Variants in ARRB2 observed in about 807,000 individuals in gnomAD.
The protein encoded by ARRB2 is arrestin beta 2.
A neutral mutation model predicts 53.4 loss-of-function variants in ARRB2; 21 were observed. That is an observed-to-expected ratio of 0.39 (90% CI 0.28 to 0.57). ARRB2 has a LOEUF of 0.57. ARRB2 is among the 20% of genes least tolerant of loss of function. The pLI, the probability that ARRB2 is intolerant of heterozygous loss-of-function variation, is 0.55. For missense variants in ARRB2, 369 were observed against 527.5 expected (o/e 0.70, Z 2.94); for synonymous variants, 180 against 212.9 (o/e 0.85, Z 1.34).
chr17:4,716,310 T>G, intron 4 of ARRB2, 102 bp from the exon 5 acceptor site: 1 of 1,608,906 alleles, frequency 6.2e-7, no homozygotes, highest in South Asian at 1.1e-5. Context: ...GGAGTAGGGT[T>G]CAGGCAAGTC....
At chr17:4,715,796 C>T (rs28365157) in intron 2 of ARRB2, 177 bp from the exon 3 acceptor site, 82,753 of 665,772 alleles carry the variant, frequency 0.12, 6,268 homozygotes, top group East Asian at 0.3. Context: ...CCTAAAGGTC[C>T]ACTAGTCTGA....
intron 2 of ARRB2, chr17:4,715,312 T>C: frequency 2.0e-6 from 1 of 488,288 alleles, no homozygotes; most frequent in Non-Finnish European, 3.6e-6. Context: ...CATGTGCCTG[T>C]AGCCCTCCTA....
intron 8 of ARRB2, 34 bp from the exon 9 acceptor site, chr17:4,718,227 A>T (rs1915274303): frequency 6.3e-7 from 1 of 1,588,308 alleles, no homozygotes; most frequent in Non-Finnish European, 8.6e-7. Context: ...AGTGAAAACC[A>T]GTTCCAATTC....
chr17:4,710,675 A>AGGCTGCGAGCGAGCC lies in ARRB2; in HGVS notation c.-45_-31dup, dbSNP rs1260837194. The AGGCTGCGAGCGAGCC allele has an allele frequency of 8.0e-5, 32 of 397,838 alleles. No individual in the cohort carries two copies. Among genetic ancestry groups the AGGCTGCGAGCGAGCC allele is most frequent in the African/African-American group, 6.4e-4 (31 of 48,280 alleles). The allele number at this position is 397,838 out of a possible 1,614,324, so 24.6% of individuals were successfully genotyped here. A position where few individuals can be genotyped will look rare whatever the true frequency, so the allele number is the denominator to read the frequency against. On this transcript the variant is annotated 5_prime_UTR_variant, in exon 1 of 15. Transcript: ENST00000269260. ...GCAGGGATCTTGGCAGCGGGCGAGGAGGCTGCGAGCGAGCCGCGAACCGAG... is the reference window on the plus strand; with the variant it reads ...GCAGGGATCTTGGCAGCGGGCGAGGAGGCTGCGAGCGAGCCGGCTGCGAGCGAGCCGCGAACCGAG...
chr17:4,714,576 C>T, intron 1 of ARRB2: 1 of 263,568 alleles, frequency 3.8e-6, no homozygotes, highest in East Asian at 1.0e-4. Flanking sequence ...CCCCTTGCCA[C>T]CACGTTAGAA....
intron 2 of ARRB2, chr17:4,715,710 CACACACACACACACAA>C (rs928981581): frequency 6.1e-5 from 28 of 456,626 alleles, no homozygotes; most frequent in African/African-American, 1.7e-4. Flanking sequence ...CACACACACA[CACACACACACACACAA>C]ACACACACAC....
In ARRB2 at chr17:4,720,217, G is replaced by A. The variant is rs200008251; in HGVS notation, c.919G>A (p.Val307Met). The change falls in exon 12 of 15, where the codon GTG (valine) becomes ATG (methionine). Residue 307 changes from valine to methionine, a missense_variant and splice_region_variant. Coordinates refer to ENST00000269260, the MANE Select transcript of ARRB2 (RefSeq NM_004313.4). ...TGACTCCAACACCCTCAATTGCAGCGTGAAGGAGGGTGCCAACAAGGAGGT... is the reference window on the plus strand; with the variant it reads ...TGACTCCAACACCCTCAATTGCAGCATGAAGGAGGGTGCCAACAAGGAGGT... ...EDTNLASSTI[V>M]KEGANKEVLG... 117 of 1,612,068 alleles carry A rather than the reference G, an allele frequency of 7.3e-5. 1 individual carries two copies. In the East Asian group the frequency reaches 1.8e-3, roughly 25 times the overall value.
At chr17:4,711,833 C>G (rs1914437890) in intron 1 of ARRB2, among the ~76,000 whole-genome samples, 1 of 152,186 alleles carries the variant, frequency 6.6e-6, no homozygotes, top group South Asian at 2.1e-4. Flanking sequence ...CACAATTTCC[C>G]TCACCCCCAT....
At chr17:4,718,539 C>T (rs2040277692) in intron 9 of ARRB2, 73 bp from the exon 10 acceptor site, 6 of 1,501,702 alleles carry the variant, frequency 4.0e-6, no homozygotes, top group South Asian at 2.3e-5. Flanking sequence ...GGCCACGCCA[C>T]GGGGTCTGGA....
chr17:4,718,182 G>A (rs1045590763), intron 8 of ARRB2, 79 bp from the exon 9 acceptor site: 7 of 1,547,154 alleles, frequency 4.5e-6, no homozygotes, highest in Non-Finnish European at 4.4e-6. Context: ...CCAGAACAAT[G>A]TGTCTGTGTT....
chr17:4,718,304 C>T lies in ARRB2; in HGVS notation c.665C>T (p.Thr222Ile). The T allele has an allele frequency of 6.2e-7, 1 of 1,612,456 alleles. No individual in the cohort carries two copies. The highest frequency in any genetic ancestry group is 8.5e-7 in the Non-Finnish European group (1 of 1,179,314). Residue 222 changes from threonine to isoleucine, a missense_variant, in exon 9 of 15, where the codon ACC becomes ATC. By Grantham distance (89) the Thr-to-Ile change is moderately conservative (BLOSUM62 -1). Coordinates refer to ENST00000269260, the MANE Select transcript of ARRB2 (RefSeq NM_004313.4). ...GEPLNVNVHV[T>I]NNSTKTVKKI... Reference sequence around the variant, plus strand: ...CCCCTCAATGTAAATGTCCACGTCACCAACAACTCCACCAAGACCGTCAAG... The same window carrying T: ...CCCCTCAATGTAAATGTCCACGTCATCAACAACTCCACCAAGACCGTCAAG...
intron 1 of ARRB2, among the ~76,000 whole-genome samples, chr17:4,713,106 C>T (rs1914594911): frequency 6.6e-6 from 1 of 152,216 alleles, no homozygotes; most frequent in Admixed American, 6.5e-5. Flanking sequence ...CCTGTAATCC[C>T]AGCACTTTGG....
In ARRB2 at chr17:4,716,551, C is replaced by T. The variant is rs562868798; in HGVS notation, c.300C>T (p.Arg100=). The T allele has an allele frequency of 8.2e-6, 13 of 1,593,470 alleles. 1 individual carries two copies. In the Middle Eastern group the frequency reaches 1.6e-3, roughly 200 times the overall value. ...CCAACCCACCCCGGCCCCCCACCCGCCTGCAGGACCGGCTGCTGAGGAAGC... is the reference window on the plus strand; with the variant it reads ...CCAACCCACCCCGGCCCCCCACCCGTCTGCAGGACCGGCTGCTGAGGAAGC... ...PVPNPPRPPT[R]LQDRLLRKLG... is the part of the protein sequence containing the mutation. Residue 100 remains arginine (R), a synonymous_variant, in exon 5 of 15, where the codon CGC becomes CGT. Coordinates refer to ENST00000269260, the MANE Select transcript of ARRB2 (RefSeq NM_004313.4).
intron 1 of ARRB2, among the ~76,000 whole-genome samples, chr17:4,714,160 C>T (rs770875910): frequency 2.6e-5 from 4 of 152,184 alleles, no homozygotes; most frequent in Non-Finnish European, 5.9e-5. Flanking sequence ...TTGTGTGCTA[C>T]CACACCACAA....
chr17:4,715,016 C>A lies in ARRB2; in HGVS notation c.27C>A (p.Val9=). MGEKPGTR[V]FKKSSPNCKL... is the part of the protein sequence containing the mutation. ...GTTTCCCTTTCTGTTTTGTTAGGGT[C>A]TTCAAGAAGTCGAGCCCTAACTGCA... The change falls in exon 2 of 15, where the codon GTC becomes GTA. Residue 9 remains valine, a synonymous_variant. Coordinates refer to ENST00000269260, the MANE Select transcript of ARRB2 (RefSeq NM_004313.4). The A allele has an allele frequency of 6.2e-7, 1 of 1,603,106 alleles. No individual in the cohort carries two copies. Among genetic ancestry groups the A allele is most frequent in the South Asian group, 1.1e-5 (1 of 88,958 alleles).
chr17:4,713,808 A>G (rs1019340114), intron 1 of ARRB2, among the ~76,000 whole-genome samples: 12 of 144,744 alleles, frequency 8.3e-5, no homozygotes, highest in Non-Finnish European at 1.2e-4. Flanking sequence ...AAAAAAAAAT[A>G]CAAAACATAG....
rs771557695 is a variant in ARRB2, at chr17:4,721,191, TCCC to T, written c.*156_*158del. The T allele has an allele frequency of 8.3e-6, 6 of 723,610 alleles. No homozygotes were observed. Among genetic ancestry groups the T allele is most frequent in the African/African-American group, 1.8e-5 (1 of 55,872 alleles). 44.8% of individuals were successfully genotyped at this position (723,610 alleles called of 1,614,324 possible). Reference sequence around the variant, plus strand: ...CAATCCCTTCACACTCTCTCCCCCATCCCCCCAAGATACACACTGGACCCTCTC... The same window carrying T: ...CAATCCCTTCACACTCTCTCCCCCATCCCAAGATACACACTGGACCCTCTC... On this transcript the variant is annotated 3_prime_UTR_variant, in exon 15 of 15. Coordinates refer to ENST00000269260, the MANE Select transcript of ARRB2 (RefSeq NM_004313.4). The surrounding 1 kb of genome is among the most constrained non-coding windows in gnomAD (Gnocchi z 4.2).
In ARRB2 at chr17:4,717,517, C is replaced by A; in HGVS notation, c.418-168C>A. ...CTCCCCTTGCACTACCATGACCAAG[C>A]CTCTGCCAGGTTCTGGGCTTTGGAG... is the stretch of plus-strand genomic sequence containing the variant. On this transcript the variant is annotated intron_variant, in intron 6 of 14. Transcript: ENST00000269260. This position sits in a 1 kb window ranked among gnomAD's most constrained non-coding sequence, Gnocchi z 6.0. 1.0e-6 allele frequency: 1 copy of A among 993,252 alleles called. No homozygotes were observed. The highest frequency in any genetic ancestry group is 1.5e-6 in the Non-Finnish European group (1 of 664,008). 61.5% of individuals were successfully genotyped at this position (993,252 alleles called of 1,614,324 possible). A position where few individuals can be genotyped will look rare whatever the true frequency, so the allele number is the denominator to read the frequency against.
chr17:4,715,586 C>CAG lies in ARRB2; in HGVS notation c.55-387_55-386insAG, dbSNP rs576766824. 2.2e-3 allele frequency: 706 copies of CAG among 322,684 alleles called. 14 individuals are homozygous for CAG. The East Asian group carries it at 0.044, about 20-fold the overall frequency. 20.0% of individuals were successfully genotyped at this position (322,684 alleles called of 1,614,324 possible). ...ACACACGGACACACACACACACACACGGACACACACAAACACACCTCGCTG... is the reference window on the plus strand; with the variant it reads ...ACACACGGACACACACACACACACACAGGGACACACACAAACACACCTCGCTG... On this transcript the variant is annotated intron_variant, in intron 2 of 14. Coordinates refer to ENST00000269260, the MANE Select transcript of ARRB2 (RefSeq NM_004313.4).
Sources: allele counts gnomAD v4.1 joint callset (sites outside exome capture counted in the v4.1 genomes callset), GRCh38; gene constraint gnomAD v4.1.1; non-coding constraint Gnocchi (gnomAD v3.1); transcripts MANE v1.5; gene names NCBI Gene and HGNC (gene_info 2026-07-23, HGNC 2026-07-21).